ZFHX4: variants seen among roughly 807,000 people sequenced by gnomAD.
ZFHX4 encodes the protein zinc finger homeobox protein 4.
Under a neutral mutation model 267.6 loss-of-function variants are expected in ZFHX4, and 56 were observed. The ratio of observed to expected loss-of-function variants is 0.21; its 90% CI spans 0.17 to 0.26. The LOEUF (loss-of-function observed/expected upper bound fraction) is 0.26, where lower values mean the gene tolerates loss of function less well. Among genes scored for constraint, ZFHX4 ranks in the 10% least tolerant of loss-of-function variants. ZFHX4 has a pLI of 1.00. For synonymous variants in ZFHX4, 1,778 were observed against 1,665.6 expected (o/e 1.07, Z -1.64); for missense variants, 4,332 against 4,420.0 (o/e 0.98, Z 0.56).
chr8:76,748,862 A>AT (rs1372695926), intron 3 of ZFHX4, among the ~76,000 whole-genome samples: 1 of 152,160 alleles, frequency 6.6e-6, no homozygotes. Context: ...TCCTGAAAAC[A>AT]TTTTTGCTTA....
In ZFHX4 at chr8:76,856,359, C is replaced by T; in HGVS notation, c.9379+59C>T. 4 of 1,584,898 alleles carry T rather than the reference C, an allele frequency of 2.5e-6. No homozygotes were observed. In the Admixed American group the frequency reaches 7.1e-5, roughly 28 times the overall value. ...TTAAGTAGCATCAGGTAGACAGTCA[C>T]ATGTAACCAAGAACGGGGTGCCTTT... On this transcript the variant is annotated intron_variant, in intron 10 of 10. Coordinates refer to ENST00000651372, the MANE Select transcript of ZFHX4 (RefSeq NM_024721.5).
At chr8:76,829,779 A>G (rs1023138192) in intron 4 of ZFHX4, among the ~76,000 whole-genome samples, 2 of 152,128 alleles carry the variant, frequency 1.3e-5, no homozygotes, top group African/African-American at 4.8e-5. Context: ...AGATCGCGCC[A>G]CTGCACTCCG....
At chr8:76,834,215 G>A in intron 5 of ZFHX4, 1 of 402,588 alleles carries the variant, frequency 2.5e-6, no homozygotes, top group African/African-American at 2.1e-5. Flanking sequence ...AGGCTTTTGT[G>A]TGGACATAAA....
intron 4 of ZFHX4, among the ~76,000 whole-genome samples, chr8:76,803,055 T>C (rs1811153596): frequency 6.6e-6 from 1 of 152,178 alleles, no homozygotes. Flanking sequence ...ATATTTTCTA[T>C]GATAGCCCAT....
At chr8:76,684,714 G>T (rs575283759) in intron 1 of ZFHX4, among the ~76,000 whole-genome samples, 1 of 152,212 alleles carries the variant, frequency 6.6e-6, no homozygotes, top group Non-Finnish European at 1.5e-5. Context: ...GCCACTTAAA[G>T]TTAAAAATGA....
chr8:76,791,618 C>T (rs1025683408), intron 4 of ZFHX4, among the ~76,000 whole-genome samples: 13 of 151,960 alleles, frequency 8.6e-5, no homozygotes, highest in African/African-American at 3.1e-4. Flanking sequence ...GAAAAGGTGG[C>T]AGAGTAAGGA....
rs1045980420 is a variant in ZFHX4 at position 76,809,329 on chromosome 8, A to G, written c.3326-24009A>G. Among the ~76,000 whole-genome samples the G allele has an allele frequency of 2.6e-5, 4 of 152,194 alleles. No homozygotes were observed. In the East Asian group the frequency reaches 7.7e-4, roughly 29 times the overall value. ...TTTGCAAGTGTGAATGTGGTTATCTAGCACAAGGCTAGCAAATAATTTTGA... is the reference window on the plus strand; with the variant it reads ...TTTGCAAGTGTGAATGTGGTTATCTGGCACAAGGCTAGCAAATAATTTTGA... On this transcript the variant is annotated intron_variant, in intron 4 of 10. Coordinates refer to ENST00000651372, the MANE Select transcript of ZFHX4 (RefSeq NM_024721.5).
chr8:76,711,001 T>C (rs1808408134), intron 3 of ZFHX4, among the ~76,000 whole-genome samples: 1 of 152,148 alleles, frequency 6.6e-6, no homozygotes. Flanking sequence ...AATATTTATT[T>C]ATTTAACCAG....
intron 3 of ZFHX4, among the ~76,000 whole-genome samples, chr8:76,765,470 A>ATTTTG (rs1810027870): frequency 6.6e-6 from 1 of 152,142 alleles, no homozygotes; most frequent in Admixed American, 6.6e-5. Flanking sequence ...TTACTCAAAT[A>ATTTTG]TTAATGTTAT....
chr8:76,691,127 T>A (rs1201770456), intron 1 of ZFHX4, among the ~76,000 whole-genome samples: 1 of 152,064 alleles, frequency 6.6e-6, no homozygotes, highest in East Asian at 1.9e-4. Flanking sequence ...AATGAATGAA[T>A]ATGAAGGTTG....
At chr8:76,799,265 A>G (rs966838280) in intron 4 of ZFHX4, among the ~76,000 whole-genome samples, 2 of 152,144 alleles carry the variant, frequency 1.3e-5, no homozygotes, top group Non-Finnish European at 2.9e-5. Context: ...TTCAGCATCA[A>G]TTAATTTTCT....
intron 1 of ZFHX4, among the ~76,000 whole-genome samples, chr8:76,694,504 A>G (rs1186322055): frequency 6.6e-6 from 1 of 152,134 alleles, no homozygotes; most frequent in Non-Finnish European, 1.5e-5. Flanking sequence ...CCACTTCACA[A>G]ATTATGCTCT....
intron 3 of ZFHX4, among the ~76,000 whole-genome samples, chr8:76,735,101 A>G (rs916651461): frequency 6.6e-6 from 1 of 152,150 alleles, no homozygotes. Context: ...AAGTAAATGT[A>G]TATCTGACGA....
At chr8:76,860,316 T>C (rs1812833518) in intron 10 of ZFHX4, among the ~76,000 whole-genome samples, 1 of 152,120 alleles carries the variant, frequency 6.6e-6, no homozygotes, top group Non-Finnish European at 1.5e-5. Context: ...TTTTTCAAAA[T>C]TCCTGATAAT....
intron 3 of ZFHX4, among the ~76,000 whole-genome samples, chr8:76,756,315 A>C (rs147996672): frequency 6.6e-6 from 1 of 152,090 alleles, no homozygotes. Context: ...TTTCCTCCCA[A>C]CTATTGAATA....
At chr8:76,784,841 C>T (rs1172478006) in intron 4 of ZFHX4, among the ~76,000 whole-genome samples, 1 of 151,898 alleles carries the variant, frequency 6.6e-6, no homozygotes, top group Non-Finnish European at 1.5e-5. Context: ...CTTTTTTCCC[C>T]AGACTATTGG....
At chr8:76,738,603 CTTCCTTCCTTCCTTCCTTCCTTCT>C (rs1339102393) in intron 3 of ZFHX4, among the ~76,000 whole-genome samples, 6 of 146,586 alleles carry the variant, frequency 4.1e-5, no homozygotes, top group African/African-American at 1.3e-4. Flanking sequence ...TTTCTTTTTC[CTTCCTTCCTTCCTTCCTTCCTTCT>C]TTCCTTCCTT....
chr8:76,766,898 T>C (rs1342250391), intron 3 of ZFHX4, among the ~76,000 whole-genome samples: 3 of 152,136 alleles, frequency 2.0e-5, no homozygotes, highest in Admixed American at 2.0e-4. Flanking sequence ...CAACATTCTA[T>C]TAGCCAGCAC....
chr8:76,696,063 A>C (rs143624405), intron 1 of ZFHX4, among the ~76,000 whole-genome samples: 3 of 152,268 alleles, frequency 2.0e-5, no homozygotes, highest in East Asian at 3.9e-4. Flanking sequence ...TAATAGATAC[A>C]CCAGTCAGTA....
Sources: allele counts gnomAD v4.1 joint callset (sites outside exome capture counted in the v4.1 genomes callset), GRCh38; gene constraint gnomAD v4.1.1; transcripts MANE v1.5; gene names NCBI Gene and HGNC (gene_info 2026-07-23, HGNC 2026-07-21).